Variants in CR2 observed in about 807,000 individuals in gnomAD.
CR2 encodes complement receptor type 2.
CR2 carries 96 observed loss-of-function variants against 123.0 expected under a neutral mutation model. The observed-to-expected ratio is 0.78, with a 90% CI of 0.66 to 0.93. The LOEUF is 0.93. CR2 is among the 40% of genes least tolerant of loss of function. CR2 has a pLI of 0.00. For missense variants in CR2, 1,258 were observed against 1,361.0 expected (o/e 0.92, Z 1.19); for synonymous variants, 484 against 469.5 (o/e 1.03, Z -0.40).
intron 15 of CR2, 67 bp downstream of exon 15, chr1:207,476,486 G>T (rs955426531): frequency 3.4e-5 from 49 of 1,428,254 alleles, no homozygotes; most frequent in Admixed American, 2.7e-4. Context: ...ATTCAGTTGG[G>T]TACTTTCAAC....
intron 17 of CR2, among the ~76,000 whole-genome samples, chr1:207,479,548 G>A (rs1658547142): frequency 6.6e-6 from 1 of 152,142 alleles, no homozygotes; most frequent in Non-Finnish European, 1.5e-5. Flanking sequence ...GCTTGATTTG[G>A]TCTATTGAAA....
At chr1:207,470,247 G>T (rs770333830) in intron 6 of CR2, 145 bp downstream of exon 6, 3 of 897,740 alleles carry the variant, frequency 3.3e-6, no homozygotes, top group Non-Finnish European at 5.0e-6. Context: ...TTTGTAGAGG[G>T]CATTCTTATC....
At chr1:207,457,964 G>A (rs1382019646) in intron 1 of CR2, among the ~76,000 whole-genome samples, 1 of 151,586 alleles carries the variant, frequency 6.6e-6, no homozygotes, top group Non-Finnish European at 1.5e-5. Context: ...GCTGCAAACT[G>A]CCTACTTGGC....
intron 19 of CR2, among the ~76,000 whole-genome samples, chr1:207,487,823 G>A (rs958458797): frequency 2.0e-5 from 3 of 152,176 alleles, no homozygotes; most frequent in Non-Finnish European, 4.4e-5. Context: ...AGTAACAGGA[G>A]GGAGGGCAGA....
chr1:207,475,758 G>A (rs1401754399), intron 14 of CR2, among the ~76,000 whole-genome samples: 1 of 152,170 alleles, frequency 6.6e-6, no homozygotes, highest in Non-Finnish European at 1.5e-5. Context: ...CCCATCTTCA[G>A]TTTAAGATAA....
intron 14 of CR2, 94 bp from the exon 15 acceptor site, chr1:207,476,140 C>T: frequency 1.6e-6 from 2 of 1,224,874 alleles, no homozygotes; most frequent in Non-Finnish European, 2.4e-6. Flanking sequence ...TGGCTTGTTG[C>T]TTCTGGCCTT....
chr1:207,461,324 G>A (rs1342544866), intron 1 of CR2, among the ~76,000 whole-genome samples: 5 of 152,204 alleles, frequency 3.3e-5, no homozygotes, highest in Admixed American at 2.6e-4. Context: ...ACTTGTAAGG[G>A]TGAAGGAGAT....
chr1:207,476,432 T>C lies in CR2; in HGVS notation c.2902+13T>C. 1 of 1,608,798 alleles carries C rather than the reference T, an allele frequency of 6.2e-7. No homozygotes were observed. Among genetic ancestry groups the C allele is most frequent in the Non-Finnish European group, 8.5e-7 (1 of 1,177,576 alleles). The stretch of plus-strand genomic sequence containing the variant: ...CCTCATTGTAAAGGTGCTTTGTCTA[T>C]TTTTTATTCTTATTTTTATATCAAA... On this transcript the variant is annotated intron_variant, in intron 15 of 19. Transcript: ENST00000367057.
Position 207,468,486 on chromosome 1 carries a change from A to G in CR2, c.446-41A>G, listed in dbSNP as rs768228152. Reference sequence around the variant, plus strand: ...CTTGATTCTAGATTGTGAAGGATGCATCATCTGACGGCTTTTTTTTCCTGG... The same window carrying G: ...CTTGATTCTAGATTGTGAAGGATGCGTCATCTGACGGCTTTTTTTTCCTGG... On this transcript the variant is annotated intron_variant, in intron 2 of 19. Coordinates refer to ENST00000367057, the MANE Select transcript of CR2 (RefSeq NM_001006658.3). The G allele has an allele frequency of 2.0e-5, 32 of 1,603,214 alleles. No homozygotes were observed. The Middle Eastern group carries it at 5.0e-4, about 25-fold the overall frequency.
At chr1:207,455,883 A>C (rs994386325) in intron 1 of CR2, among the ~76,000 whole-genome samples, 2 of 152,182 alleles carry the variant, frequency 1.3e-5, no homozygotes, top group African/African-American at 4.8e-5. Context: ...CCTATCAGCC[A>C]TTCAAGCTAC....
At position 207,476,254 on chromosome 1, in the gene CR2, C is replaced by A. The variant is rs1418202786; in HGVS notation, c.2737C>A (p.Pro913Thr). Residue 913 changes from proline to threonine, a missense_variant, in exon 15 of 20, where the codon CCG becomes ACG. By Grantham distance (38) the Pro-to-Thr change is conservative. Transcript: ENST00000367057. ...CTAAGCCTTCATAGGGTGTCCACCT[C>A]CGCCTAAGACCCCTAACGGGAACCA... ...IKKAFIGCPP[P>T]PKTPNGNHTG... 6.2e-7 allele frequency: 1 copy of A among 1,613,804 alleles called. No individual in the cohort carries two copies. Among genetic ancestry groups the A allele is most frequent in the Admixed American group, 1.7e-5 (1 of 60,000 alleles).
At chr1:207,462,549 A>G (rs1344605624) in intron 1 of CR2, among the ~76,000 whole-genome samples, 2 of 152,338 alleles carry the variant, frequency 1.3e-5, no homozygotes, top group East Asian at 3.9e-4. Flanking sequence ...GCAGAGTGGC[A>G]TGACCACATT....
intron 1 of CR2, among the ~76,000 whole-genome samples, chr1:207,461,134 A>G (rs1416954838): frequency 6.6e-6 from 1 of 152,092 alleles, no homozygotes; most frequent in East Asian, 1.9e-4. Flanking sequence ...TTGTGTATAA[A>G]TAAGACCTCA....
At chr1:207,478,108 T>G in intron 16 of CR2, 38 bp downstream of exon 16, 1 of 1,597,564 alleles carries the variant, frequency 6.3e-7, no homozygotes, top group Non-Finnish European at 8.5e-7. Context: ...TGTAACTGGC[T>G]AACGGAGAGA....
intron 19 of CR2, among the ~76,000 whole-genome samples, chr1:207,488,732 G>A (rs140023989): frequency 4.6e-5 from 7 of 152,226 alleles, no homozygotes; most frequent in Non-Finnish European, 1.0e-4. Context: ...CATAAACAAG[G>A]TATAGAAAAT....
intron 19 of CR2, among the ~76,000 whole-genome samples, chr1:207,488,162 A>T (rs2102317175): frequency 6.6e-6 from 1 of 152,326 alleles, no homozygotes; most frequent in South Asian, 2.1e-4. Flanking sequence ...GCCTTCTCTT[A>T]CTTAGCCATC....
intron 6 of CR2, among the ~76,000 whole-genome samples, chr1:207,470,336 A>G (rs1572954704): frequency 6.6e-6 from 1 of 152,158 alleles, no homozygotes; most frequent in Non-Finnish European, 1.5e-5. Flanking sequence ...TCTCATTTCT[A>G]TAGGGGAAAA....
intron 8 of CR2, 89 bp downstream of exon 8, chr1:207,471,176 G>A: frequency 7.7e-7 from 1 of 1,301,832 alleles, no homozygotes; most frequent in Non-Finnish European, 1.1e-6. Flanking sequence ...AGTACACCCT[G>A]CAAGCTCTAT....
At chr1:207,470,505 G>A (rs993203244) in intron 6 of CR2, among the ~76,000 whole-genome samples, 2 of 152,038 alleles carry the variant, frequency 1.3e-5, no homozygotes, top group Admixed American at 1.3e-4. Context: ...AGAACCCAGT[G>A]GAAAGTGAAC....
Sources: allele counts gnomAD v4.1 joint callset (sites outside exome capture counted in the v4.1 genomes callset), GRCh38; gene constraint gnomAD v4.1.1; transcripts MANE v1.5; gene names NCBI Gene and HGNC (gene_info 2026-07-23, HGNC 2026-07-21).